Variants in GATA4 observed in about 807,000 individuals in gnomAD.
The protein encoded by GATA4 is transcription factor GATA-4.
In GATA4, 7 loss-of-function variants were observed where a neutral mutation model predicts 37.9. The observed-to-expected ratio is 0.18, with a 90% CI of 0.11 to 0.35. GATA4 has a LOEUF of 0.35. Among genes scored for constraint, GATA4 ranks in the 10% least tolerant of loss-of-function variants. The pLI is 1.00. For missense variants in GATA4, 647 were observed against 653.0 expected, an observed-to-expected ratio of 0.99 and a Z score of 0.10; for synonymous variants, 372 against 292.6, an observed-to-expected ratio of 1.27 and a Z score of -2.77.
At chr8:11,742,379 GTT>G (rs201647948) in intron 2 of GATA4, among the ~76,000 whole-genome samples, 7 of 93,096 alleles carry the variant, frequency 7.5e-5, no homozygotes, top group Non-Finnish European at 1.6e-4. Context: ...TGTTTTTGGT[GTT>G]TTGTTTTTTT....
chr8:11,720,558 C>T (rs1800626272), intron 2 of GATA4, among the ~76,000 whole-genome samples: 1 of 152,066 alleles, frequency 6.6e-6, no homozygotes, highest in Non-Finnish European at 1.5e-5. Flanking sequence ...GGTATTAAGC[C>T]CCAGTACCCA....
chr8:11,681,151 C>T, intron 1 of GATA4: 3 of 985,408 alleles, frequency 3.0e-6, no homozygotes, highest in South Asian at 4.7e-5. Flanking sequence ...ATCTCCAGCT[C>T]CGTTCTGTTC....
chr8:11,741,631 T>C (rs1801745473), intron 2 of GATA4, among the ~76,000 whole-genome samples: 1 of 152,110 alleles, frequency 6.6e-6, no homozygotes, highest in African/African-American at 2.4e-5. Context: ...GATCCTGCAT[T>C]TTATGGGGAA....
At chr8:11,757,915 C>CA (rs748036742) in intron 6 of GATA4, among the ~76,000 whole-genome samples, 2 of 152,222 alleles carry the variant, frequency 1.3e-5, no homozygotes, top group Non-Finnish European at 2.9e-5. Flanking sequence ...CCTGATCCCA[C>CA]AGAACCAGGG....
chr8:11,709,578 G>C lies in GATA4; in HGVS notation c.616+650G>C, dbSNP rs913720874. 1.0e-4 allele frequency among the ~76,000 whole-genome samples: 12 copies of C among 115,392 alleles called. No homozygotes were observed. Among genetic ancestry groups the C allele is most frequent in the African/African-American group, 5.3e-4 (10 of 19,032 alleles). The allele number at this position is 115,392 out of a possible 152,430, so 75.7% of individuals were successfully genotyped here. Reference sequence around the variant, plus strand: ...CGTGGGCGCATCATGCGGGCAGCGGGGGGGGGGGCGCACACGCCCGGTCAG... The same window carrying C: ...CGTGGGCGCATCATGCGGGCAGCGGCGGGGGGGGCGCACACGCCCGGTCAG... On this transcript the variant is annotated intron_variant, in intron 2 of 6. Coordinates refer to ENST00000532059, the MANE Select transcript of GATA4 (RefSeq NM_001308093.3). The surrounding 1 kb of genome is among the most constrained non-coding windows in gnomAD (Gnocchi z 4.3).
chr8:11,739,671 C>T (rs1054360587), intron 2 of GATA4, among the ~76,000 whole-genome samples: 2 of 147,884 alleles, frequency 1.4e-5, no homozygotes, highest in African/African-American at 5.2e-5. Flanking sequence ...ATCGTCATTT[C>T]GGCCGCCTCA....
In GATA4 at chr8:11,759,846, T is replaced by A. The variant is rs957735307; in HGVS notation, c.*1371T>A. 1 of 152,568 alleles carries A rather than the reference T, an allele frequency of 6.6e-6. No homozygotes were observed. Among genetic ancestry groups the A allele is most frequent in the African/African-American group, 2.4e-5 (1 of 41,464 alleles). 9.5% of individuals were successfully genotyped at this position (152,568 alleles called of 1,614,324 possible). On this transcript the variant is annotated 3_prime_UTR_variant, in exon 7 of 7. Transcript: ENST00000532059. Reference sequence around the variant, plus strand: ...CTACTGGCTGTAGCAGAGAATACCTTTGAACCAAGATTCTGTTTTAATCAT... The same window carrying A: ...CTACTGGCTGTAGCAGAGAATACCTATGAACCAAGATTCTGTTTTAATCAT...
chr8:11,680,807 C>G (rs946718929), intron 1 of GATA4: 1 of 985,388 alleles, frequency 1.0e-6, no homozygotes, highest in Non-Finnish European at 1.2e-6. Context: ...CCTGCTCACC[C>G]CGACGCCTCG....
chr8:11,742,355 C>T (rs928334869), intron 2 of GATA4, among the ~76,000 whole-genome samples: 51 of 151,864 alleles, frequency 3.4e-4, no homozygotes, highest in African/African-American at 1.1e-3. Context: ...TACGTTCCCC[C>T]CTCCCTCCGT....
chr8:11,705,710 G>A (rs888386320), intron 1 of GATA4, among the ~76,000 whole-genome samples: 1 of 152,184 alleles, frequency 6.6e-6, no homozygotes, highest in Non-Finnish European at 1.5e-5. Context: ...GAAAGTTATA[G>A]AGGAGTATTT....
chr8:11,758,589 A>G lies in GATA4; in HGVS notation c.*114A>G, dbSNP rs1387617375. 2 of 1,008,534 alleles carry G rather than the reference A, an allele frequency of 2.0e-6. No homozygotes were observed. Among genetic ancestry groups the G allele is most frequent in the African/African-American group, 1.6e-5 (1 of 62,766 alleles). 62.5% of individuals were successfully genotyped at this position (1,008,534 alleles called of 1,614,324 possible). ...TCCTCTGCCTGGTAATGACTCCAGA[A>G]CAACAACTGGGAAGAAACTTGAAGT... On this transcript the variant is annotated 3_prime_UTR_variant, in exon 7 of 7. Transcript: ENST00000532059.
intron 2 of GATA4, 151 bp from the exon 3 acceptor site, chr8:11,748,765 A>G (rs959106659): frequency 2.3e-6 from 2 of 852,674 alleles, no homozygotes; most frequent in Non-Finnish European, 4.0e-6. Context: ...CTGAAGTCAG[A>G]GTGAGGAAGA....
intron 2 of GATA4, among the ~76,000 whole-genome samples, chr8:11,741,981 G>A (rs1322272873): frequency 7.9e-5 from 12 of 152,190 alleles, no homozygotes; most frequent in Admixed American, 7.9e-4. Context: ...TGCCCAGCCT[G>A]GGTTCGATCC....
At chr8:11,724,719 A>AGTGTGT (rs55916536) in intron 2 of GATA4, among the ~76,000 whole-genome samples, 1 of 151,892 alleles carries the variant, frequency 6.6e-6, no homozygotes, top group South Asian at 2.1e-4. Context: ...TGCACAAAGA[A>AGTGTGT]GTGTGTGTGT....
At chr8:11,718,796 A>G (rs186950614) in intron 2 of GATA4, among the ~76,000 whole-genome samples, 6 of 152,366 alleles carry the variant, frequency 3.9e-5, no homozygotes, top group East Asian at 3.8e-4. Flanking sequence ...GCCTCCATTT[A>G]GAACTGATCG....
At chr8:11,754,930 G>C (rs1380477188) in intron 4 of GATA4, 116 bp from the exon 5 acceptor site, 1 of 792,626 alleles carries the variant, frequency 1.3e-6, no homozygotes, top group Non-Finnish European at 2.2e-6. Context: ...CTGGGCCCCA[G>C]GCTTTGTGGA....
At position 11,708,603 on chromosome 8, in the gene GATA4, C is replaced by G. The variant is rs1800008619; in HGVS notation, c.291C>G (p.Ala97=). The change falls in exon 2 of 7, where the codon GCC becomes GCG. Residue 97 remains alanine, a synonymous_variant. Coordinates refer to ENST00000532059, the MANE Select transcript of GATA4 (RefSeq NM_001308093.3). This position sits in a 1 kb window ranked among gnomAD's most constrained non-coding sequence, Gnocchi z 6.7. ...GGAGCCAGGCGGGAGCCGACGGAGC[C>G]GCTTACACCCCGCCGCCGGTGTCGC... ...PGWSQAGADG[A]AYTPPPVSPR... The G allele has an allele frequency of 1.5e-6, 2 of 1,344,334 alleles. No homozygotes were observed. The highest frequency in any genetic ancestry group is 3.1e-5 in the East Asian group (1 of 31,868). 83.3% of individuals were successfully genotyped at this position (1,344,334 alleles called of 1,614,324 possible). A position where few individuals can be genotyped will look rare whatever the true frequency, so the allele number is the denominator to read the frequency against.
At chr8:11,737,517 G>A (rs1271790715) in intron 2 of GATA4, among the ~76,000 whole-genome samples, 3 of 152,210 alleles carry the variant, frequency 2.0e-5, no homozygotes, top group African/African-American at 7.2e-5. Context: ...AGTCTCCTCT[G>A]GCCAAAGCTC....
chr8:11,718,620 G>A (rs547241795), intron 2 of GATA4, among the ~76,000 whole-genome samples: 15 of 152,182 alleles, frequency 9.9e-5, no homozygotes, highest in Non-Finnish European at 2.2e-4. Context: ...GCTTCCTCAC[G>A]ATTCTTCCAG....
Sources: gnomAD v4.1 joint callset for allele counts (sites outside exome capture counted in the v4.1 genomes callset) on GRCh38, gnomAD v4.1.1 for gene constraint, Gnocchi (gnomAD v3.1) non-coding constraint, MANE v1.5 for transcripts, NCBI Gene and HGNC (gene_info 2026-07-23, HGNC 2026-07-21) for gene names.